Variants in TTC6 observed in about 807,000 individuals in gnomAD.
TTC6 encodes tetratricopeptide repeat domain 6.
A neutral mutation model predicts 210.4 loss-of-function variants in TTC6; 172 were observed. The observed-to-expected ratio is 0.82, with a 90% CI of 0.72 to 0.93. The LOEUF is 0.93. Ranked by LOEUF, TTC6 falls within the 40% of genes least tolerant of loss-of-function variation. The pLI, the probability that TTC6 is intolerant of heterozygous loss-of-function variation, is 0.00. For synonymous variants in TTC6, 804 were observed against 819.6 expected, an observed-to-expected ratio of 0.98 and a Z score of 0.32; for missense variants, 2,414 against 2,318.1, an observed-to-expected ratio of 1.04 and a Z score of -0.85.
intron 6 of TTC6, among the ~76,000 whole-genome samples, chr14:37,723,594 T>C (rs1197429275): frequency 6.6e-6 from 1 of 152,204 alleles, no homozygotes; most frequent in Non-Finnish European, 1.5e-5. Context: ...TATTAAATTT[T>C]TCAGTGCCAG....
chr14:37,663,509 A>G (rs1184700919), intron 1 of TTC6, among the ~76,000 whole-genome samples: 2 of 152,186 alleles, frequency 1.3e-5, no homozygotes, highest in Non-Finnish European at 2.9e-5. Flanking sequence ...ATTATTTATT[A>G]TGATAAGTTA....
chr14:37,725,237 ATG>A (rs71433920), intron 7 of TTC6, among the ~76,000 whole-genome samples: 8,218 of 142,706 alleles, frequency 0.058, 367 homozygotes, highest in Non-Finnish European at 0.09. Flanking sequence ...ATATGTTCAT[ATG>A]TGTGTGTGTA....
chr14:37,701,193 C>G, intron 4 of TTC6, 139 bp from the exon 7 acceptor site: 1 of 549,492 alleles, frequency 1.8e-6, no homozygotes, highest in Non-Finnish European at 2.9e-6. Flanking sequence ...TTGTTATATA[C>G]CATTATTATA....
At chr14:37,792,978 T>C (rs563996699) in intron 17 of TTC6, among the ~76,000 whole-genome samples, 7 of 152,254 alleles carry the variant, frequency 4.6e-5, no homozygotes, top group African/African-American at 1.7e-4. Flanking sequence ...GCACAATAAA[T>C]AGGAAAAATC....
intron 29 of TTC6, among the ~76,000 whole-genome samples, chr14:37,832,177 T>C (rs183306215): frequency 8.4e-4 from 128 of 152,124 alleles, no homozygotes; most frequent in Middle Eastern, 6.8e-3. Context: ...TTTCTCAGTT[T>C]TGTTTATTTG....
intron 29 of TTC6, among the ~76,000 whole-genome samples, chr14:37,829,838 C>T (rs1439700263): frequency 1.3e-5 from 2 of 151,858 alleles, no homozygotes; most frequent in Non-Finnish European, 1.5e-5. Context: ...TTAATTCTCC[C>T]ATTTTGTTGT....
chr14:37,835,704 G>A (rs1461475943), intron 29 of TTC6, among the ~76,000 whole-genome samples: 1 of 152,180 alleles, frequency 6.6e-6, no homozygotes, highest in Non-Finnish European at 1.5e-5. Context: ...GAGAGAAAAT[G>A]TTAAATAATT....
At position 37,795,498 on chromosome 14, in the gene TTC6, GTTTGTTAAAC is replaced by G. The variant is rs955644194; in HGVS notation, c.3791+151_3791+160del. 2.3e-5 allele frequency: 12 copies of G among 524,942 alleles called. No individual in the cohort carries two copies. In the African/African-American group the frequency reaches 2.4e-4, roughly 10 times the overall value. 32.5% of individuals were successfully genotyped at this position (524,942 alleles called of 1,614,324 possible). A position where few individuals can be genotyped will look rare whatever the true frequency, so the allele number is the denominator to read the frequency against. ...TTGCCATTTCCCCACCAGCAAGCCA[GTTTGTTAAAC>G]TTTGAGATAGTTTATTACATAAGAT... On this transcript the variant is annotated intron_variant, in intron 18 of 30. Coordinates refer to ENST00000553443, the Ensembl canonical transcript of TTC6.
intron 14 of TTC6, among the ~76,000 whole-genome samples, chr14:37,767,651 GT>G (rs1324110290): frequency 1.3e-5 from 2 of 151,944 alleles, no homozygotes; most frequent in South Asian, 2.1e-4. Context: ...GGGGTTGTTT[GT>G]TTTTTTCTTG....
chr14:37,625,878 G>A (rs1021017686), intron 1 of TTC6, among the ~76,000 whole-genome samples: 2 of 152,182 alleles, frequency 1.3e-5, no homozygotes, highest in African/African-American at 2.4e-5. Context: ...AAAGAATACG[G>A]AGGGTTAAAC....
In TTC6 at chr14:37,651,964, C is replaced by G. The variant is rs143619969; in HGVS notation, c.940-28187C>G. Reference sequence around the variant, plus strand: ...TGGGCTGCCATTAGAGGGTTTGAAGCAGGTCAGTGATGTGATACAACTAAA... The same window carrying G: ...TGGGCTGCCATTAGAGGGTTTGAAGGAGGTCAGTGATGTGATACAACTAAA... On this transcript the variant is annotated intron_variant, in intron 1 of 30. Coordinates refer to ENST00000553443, the Ensembl canonical transcript of TTC6. 2.1e-4 allele frequency among the ~76,000 whole-genome samples: 32 copies of G among 152,214 alleles called. No homozygotes were observed. In the East Asian group the frequency reaches 6.0e-3, roughly 29 times the overall value.
chr14:37,839,049 A>G (rs904987401), intron 29 of TTC6, among the ~76,000 whole-genome samples: 3 of 152,012 alleles, frequency 2.0e-5, no homozygotes, highest in Non-Finnish European at 2.9e-5. Context: ...TATCCAATCT[A>G]TTATTGTTGG....
chr14:37,824,233 C>T (rs907632895), intron 27 of TTC6, among the ~76,000 whole-genome samples: 1 of 152,112 alleles, frequency 6.6e-6, no homozygotes, highest in Non-Finnish European at 1.5e-5. Context: ...CTACCTTCCT[C>T]CTCACTTACA....
chr14:37,658,604 T>G (rs1408347916), intron 1 of TTC6, among the ~76,000 whole-genome samples: 1 of 152,110 alleles, frequency 6.6e-6, no homozygotes, highest in African/African-American at 2.4e-5. Flanking sequence ...AAATGGAGGA[T>G]AAGAAATTAC....
intron 19 of TTC6, 95 bp downstream of exon 21, chr14:37,796,465 T>C (rs966746806): frequency 1.8e-6 from 1 of 555,558 alleles, no homozygotes; most frequent in Non-Finnish European, 3.0e-6. Context: ...AAGGATCCAA[T>C]TGAAAGTCAA....
intron 1 of TTC6, among the ~76,000 whole-genome samples, chr14:37,665,672 A>G (rs72674268): frequency 0.011 from 1,597 of 150,630 alleles, 106 homozygotes; most frequent in South Asian, 0.018. Flanking sequence ...AAGGAAAAAA[A>G]TGATGAACTG....
intron 14 of TTC6, among the ~76,000 whole-genome samples, chr14:37,753,658 T>C (rs930196182): frequency 6.6e-6 from 1 of 151,998 alleles, no homozygotes; most frequent in Non-Finnish European, 1.5e-5. Context: ...AGCCTGAATC[T>C]CCTGGGCTCA....
At chr14:37,689,425 C>G (rs1459543492) in intron 3 of TTC6, among the ~76,000 whole-genome samples, 1 of 152,090 alleles carries the variant, frequency 6.6e-6, no homozygotes, top group Non-Finnish European at 1.5e-5. Context: ...TAGCAGAGAA[C>G]TTCCCCAACC....
At chr14:37,782,780 T>A (rs1472471612) in intron 14 of TTC6, among the ~76,000 whole-genome samples, 2 of 152,232 alleles carry the variant, frequency 1.3e-5, no homozygotes, top group East Asian at 3.8e-4. Flanking sequence ...TAAATGGCTC[T>A]TATTATTTTG....
Sources: gnomAD v4.1 joint callset for allele counts (sites outside exome capture counted in the v4.1 genomes callset) on GRCh38, gnomAD v4.1.1 for gene constraint, MANE v1.5 for transcripts, NCBI Gene and HGNC (gene_info 2026-07-23, HGNC 2026-07-21) for gene names.